The following CNTNAP2 variants were observed in gnomAD, a reference collection of about 807,000 sequenced individuals.
CNTNAP2 encodes contactin associated protein 2.
In CNTNAP2, 98 loss-of-function variants were observed where a neutral mutation model predicts 155.2. That is an observed-to-expected ratio of 0.63 (90% CI 0.54 to 0.75). CNTNAP2 has a LOEUF of 0.75. Among genes scored for constraint, CNTNAP2 ranks in the 30% least tolerant of loss-of-function variants. CNTNAP2 has a pLI of 0.00. For synonymous variants in CNTNAP2, 651 were observed against 631.2 expected, an observed-to-expected ratio of 1.03 and a Z score of -0.47; for missense variants, 1,727 against 1,688.1, an observed-to-expected ratio of 1.02 and a Z score of -0.40.
intron 1 of CNTNAP2, among the ~76,000 whole-genome samples, chr7:146,617,916 C>T (rs1234342053): frequency 6.6e-6 from 1 of 152,170 alleles, no homozygotes; most frequent in East Asian, 1.9e-4. Context: ...TGTACTGCCT[C>T]AATTCATATG....
intron 2 of CNTNAP2, among the ~76,000 whole-genome samples, chr7:146,828,735 C>G (rs1348122801): frequency 6.6e-6 from 1 of 152,004 alleles, no homozygotes; most frequent in East Asian, 1.9e-4. Context: ...AGTAAGTGAG[C>G]TTTCAAATTA....
intron 14 of CNTNAP2, among the ~76,000 whole-genome samples, chr7:147,944,952 C>T (rs1800792660): frequency 6.6e-6 from 1 of 152,190 alleles, no homozygotes; most frequent in East Asian, 1.9e-4. Flanking sequence ...CTATTTGCTG[C>T]CTGCCAATTA....
intron 1 of CNTNAP2, among the ~76,000 whole-genome samples, chr7:146,358,370 T>C (rs1319490345): frequency 6.6e-6 from 1 of 152,168 alleles, no homozygotes; most frequent in African/African-American, 2.4e-5. Context: ...GCATCAGATA[T>C]AGATATAAAG....
intron 15 of CNTNAP2, among the ~76,000 whole-genome samples, chr7:148,110,618 G>T (rs1804327792): frequency 6.6e-6 from 1 of 152,226 alleles, no homozygotes; most frequent in Non-Finnish European, 1.5e-5. Context: ...TGTAAGTCCA[G>T]GCTGTTGACA....
intron 14 of CNTNAP2, among the ~76,000 whole-genome samples, chr7:147,922,072 G>A (rs536526668): frequency 4.6e-5 from 7 of 152,278 alleles, no homozygotes; most frequent in Admixed American, 2.6e-4. Flanking sequence ...ACTTCCCATA[G>A]TGTATATCTC....
intron 13 of CNTNAP2, among the ~76,000 whole-genome samples, chr7:147,708,917 A>G (rs1432207269): frequency 6.6e-6 from 1 of 152,190 alleles, no homozygotes; most frequent in African/African-American, 2.4e-5. Flanking sequence ...CCCCTCTGCC[A>G]TGCAGTTAAT....
chr7:146,311,544 G>A (rs1800819914), intron 1 of CNTNAP2, among the ~76,000 whole-genome samples: 1 of 141,356 alleles, frequency 7.1e-6, no homozygotes, highest in African/African-American at 2.7e-5. Context: ...GCGGAGGCTG[G>A]AGAATCCCTC....
chr7:147,027,152 G>T (rs1479976639), intron 3 of CNTNAP2, among the ~76,000 whole-genome samples: 1 of 152,010 alleles, frequency 6.6e-6, no homozygotes, highest in African/African-American at 2.4e-5. Flanking sequence ...AGGAAAATGT[G>T]TTCAGAAGTT....
chr7:147,128,575 T>TA, intron 6 of CNTNAP2, 118 bp from the exon 7 acceptor site: 1 of 1,125,488 alleles, frequency 8.9e-7, no homozygotes, highest in East Asian at 2.4e-5. Flanking sequence ...GGCAGAATGC[T>TA]ATAATATTTG....
rs1215133825 is a variant in CNTNAP2, at chr7:146,691,406, C to T, written c.98-82865C>T. ...TAGCCAAGCTTACTGTAAACATTCTCAGAACACTTACATTAGTCTACAGTT... is the reference window on the plus strand; with the variant it reads ...TAGCCAAGCTTACTGTAAACATTCTTAGAACACTTACATTAGTCTACAGTT... On this transcript the variant is annotated intron_variant, in intron 1 of 23. Coordinates refer to ENST00000361727, the MANE Select transcript of CNTNAP2 (RefSeq NM_014141.6). Among the ~76,000 whole-genome samples the T allele has an allele frequency of 5.9e-5, 9 of 152,098 alleles. No individual in the cohort carries two copies. The East Asian group carries it at 1.7e-3, about 29-fold the overall frequency.
intron 18 of CNTNAP2, among the ~76,000 whole-genome samples, chr7:148,177,698 A>C (rs1794963184): frequency 6.6e-6 from 1 of 152,126 alleles, no homozygotes; most frequent in Non-Finnish European, 1.5e-5. Flanking sequence ...CAAGAAGGAG[A>C]TGGTTGTAGT....
At chr7:147,262,070 A>G (rs556249601) in intron 8 of CNTNAP2, among the ~76,000 whole-genome samples, 1 of 152,372 alleles carries the variant, frequency 6.6e-6, no homozygotes, top group East Asian at 1.9e-4. Context: ...AAAGTTACAA[A>G]GAATGGATGA....
At chr7:148,072,983 C>T (rs1803409103) in intron 15 of CNTNAP2, among the ~76,000 whole-genome samples, 1 of 152,226 alleles carries the variant, frequency 6.6e-6, no homozygotes, top group African/African-American at 2.4e-5. Flanking sequence ...ACTGGGATTA[C>T]AGGTGTGAGC....
intron 13 of CNTNAP2, among the ~76,000 whole-genome samples, chr7:147,740,834 C>T (rs1000531567): frequency 5.3e-5 from 8 of 152,132 alleles, no homozygotes; most frequent in African/African-American, 1.9e-4. Flanking sequence ...ACAATGGAAG[C>T]AGGACAGGGA....
At chr7:147,721,648 TAAA>T (rs904322158) in intron 13 of CNTNAP2, among the ~76,000 whole-genome samples, 1 of 152,136 alleles carries the variant, frequency 6.6e-6, no homozygotes, top group Non-Finnish European at 1.5e-5. Flanking sequence ...TTCTGTCATC[TAAA>T]AAATAAATCA....
chr7:147,980,267 T>C (rs1459335305), intron 15 of CNTNAP2, among the ~76,000 whole-genome samples: 1 of 117,654 alleles, frequency 8.5e-6, no homozygotes, highest in East Asian at 4.6e-4. Flanking sequence ...GACTTTCTTT[T>C]TAAAAAAGAG....
intron 1 of CNTNAP2, among the ~76,000 whole-genome samples, chr7:146,566,324 A>T (rs1798356263): frequency 6.6e-6 from 1 of 152,248 alleles, no homozygotes; most frequent in African/African-American, 2.4e-5. Context: ...GCAAGTGGCT[A>T]GGTATTTTGT....
rs557251517 is a variant in CNTNAP2, at chr7:147,740,504, G to T, written c.2098+101198G>T. ...TAATCTTATAAAAAAATTGTCAGAT[G>T]TAACAAAGACTGGACTCTCTGAGCT... On this transcript the variant is annotated intron_variant, in intron 13 of 23. Coordinates refer to ENST00000361727, the MANE Select transcript of CNTNAP2 (RefSeq NM_014141.6). Among the ~76,000 whole-genome samples the T allele has an allele frequency of 2.6e-5, 4 of 152,292 alleles. No individual in the cohort carries two copies. In the South Asian group the frequency reaches 8.3e-4, roughly 32 times the overall value.
At chr7:147,956,300 C>CAAA (rs11302995) in intron 14 of CNTNAP2, among the ~76,000 whole-genome samples, 1 of 139,216 alleles carries the variant, frequency 7.2e-6, no homozygotes. Context: ...TGGCAGGGGG[C>CAAA]AAAAAAAAAA....
Sources: allele counts gnomAD v4.1 joint callset (sites outside exome capture counted in the v4.1 genomes callset), GRCh38; gene constraint gnomAD v4.1.1; transcripts MANE v1.5; gene names NCBI Gene and HGNC (gene_info 2026-07-23, HGNC 2026-07-21).